The following IL1RAPL1 variants were observed in gnomAD, a reference collection of about 807,000 sequenced individuals.
IL1RAPL1 encodes interleukin 1 receptor accessory protein like 1.
In IL1RAPL1, 3 loss-of-function variants were observed where a neutral mutation model predicts 48.4. The ratio of observed to expected loss-of-function variants is 0.06; its 90% CI spans 0.03 to 0.16. IL1RAPL1 has a LOEUF of 0.16. Ranked by LOEUF, IL1RAPL1 falls within the 10% of genes least tolerant of loss-of-function variation. The pLI is 1.00. For missense variants in IL1RAPL1, 349 were observed against 530.6 expected, an observed-to-expected ratio of 0.66 and a Z score of 3.36; for synonymous variants, 185 against 187.7, an observed-to-expected ratio of 0.99 and a Z score of 0.12.
chrX:29,567,880 G>C (rs975101587), intron 5 of IL1RAPL1, among the ~76,000 whole-genome samples: 38 of 111,011 alleles, frequency 3.4e-4, no homozygotes, highest in African/African-American at 1.1e-3. Flanking sequence ...GACTTGTGGA[G>C]GTTTCAAAGG....
chrX:29,367,238 T>C (rs975714182), intron 3 of IL1RAPL1, among the ~76,000 whole-genome samples: 1 of 112,162 alleles, frequency 8.9e-6, no homozygotes, highest in Non-Finnish European at 1.9e-5. Context: ...GCCATGAAAC[T>C]TTTACCTTTT....
At chrX:29,537,121 A>G (rs1921260396) in intron 5 of IL1RAPL1, among the ~76,000 whole-genome samples, 1 of 111,480 alleles carries the variant, frequency 9.0e-6, no homozygotes, top group South Asian at 3.7e-4. Flanking sequence ...TAAACATGCT[A>G]GAAATGTGGT....
chrX:29,378,229 A>C (rs1269843302), intron 3 of IL1RAPL1, among the ~76,000 whole-genome samples: 1 of 111,196 alleles, frequency 9.0e-6, no homozygotes, highest in Non-Finnish European at 1.9e-5. Flanking sequence ...ATTCAGTTTG[A>C]TTCTTTCTTG....
intron 6 of IL1RAPL1, among the ~76,000 whole-genome samples, chrX:29,719,355 G>C (rs1006623398): frequency 2.7e-5 from 3 of 111,432 alleles, no homozygotes; most frequent in African/African-American, 9.8e-5. Context: ...CCATAATTAT[G>C]ATTTACTTTC....
At chrX:28,991,989 A>C (rs1925615336) in intron 2 of IL1RAPL1, among the ~76,000 whole-genome samples, 1 of 111,759 alleles carries the variant, frequency 8.9e-6, no homozygotes, top group Non-Finnish European at 1.9e-5. Flanking sequence ...TTTCAGTCAA[A>C]TCTAGGTTGA....
At chrX:29,601,040 C>G (rs1181723216) in intron 5 of IL1RAPL1, among the ~76,000 whole-genome samples, 1 of 111,442 alleles carries the variant, frequency 9.0e-6, no homozygotes, top group Admixed American at 9.5e-5. Flanking sequence ...TTTCTGGTGT[C>G]TCTGGGAGCC....
intron 5 of IL1RAPL1, among the ~76,000 whole-genome samples, chrX:29,611,904 C>T (rs1001383518): frequency 2.7e-5 from 3 of 111,044 alleles, no homozygotes; most frequent in East Asian, 5.7e-4. Context: ...GGACCGTCCC[C>T]GGCCTAACTC....
intron 6 of IL1RAPL1, among the ~76,000 whole-genome samples, chrX:29,768,482 G>C: frequency 9.0e-6 from 1 of 111,209 alleles, no homozygotes; most frequent in Non-Finnish European, 1.9e-5. Context: ...ACTGAGGTAC[G>C]TACACCTCTG....
chrX:29,182,109 C>CG (rs1207028268), intron 2 of IL1RAPL1, among the ~76,000 whole-genome samples: 3 of 109,868 alleles, frequency 2.7e-5, no homozygotes, highest in Non-Finnish European at 5.7e-5. Context: ...GCCTTGCCCC[C>CG]CCCCACCCCA....
intron 1 of IL1RAPL1, among the ~76,000 whole-genome samples, chrX:28,616,079 C>G (rs1459008460): frequency 8.9e-6 from 1 of 112,499 alleles, no homozygotes; most frequent in Non-Finnish European, 1.9e-5. Context: ...GAGAAAGGCA[C>G]TCCCCCAGGG....
At chrX:29,542,125 C>T (rs1265108707) in intron 5 of IL1RAPL1, among the ~76,000 whole-genome samples, 1 of 110,825 alleles carries the variant, frequency 9.0e-6, no homozygotes, top group Non-Finnish European at 1.9e-5. Context: ...CATCCAAGCT[C>T]AAAACACTAA....
intron 1 of IL1RAPL1, among the ~76,000 whole-genome samples, chrX:28,742,482 A>G (rs1320074774): frequency 1.8e-5 from 2 of 111,684 alleles, no homozygotes; most frequent in African/African-American, 6.5e-5. Flanking sequence ...AGACATTTGT[A>G]TTTCCACCTT....
At chrX:29,454,681 A>C (rs1376318769) in intron 5 of IL1RAPL1, among the ~76,000 whole-genome samples, 1 of 111,513 alleles carries the variant, frequency 9.0e-6, no homozygotes, top group Admixed American at 9.6e-5. Flanking sequence ...GAAGTAGAAA[A>C]ATTGTTCAAA....
At chrX:29,001,345 T>A (rs1332369993) in intron 2 of IL1RAPL1, among the ~76,000 whole-genome samples, 1 of 112,133 alleles carries the variant, frequency 8.9e-6, no homozygotes, top group Non-Finnish European at 1.9e-5. Context: ...ACTTGGCACA[T>A]AAATATGATG....
intron 2 of IL1RAPL1, among the ~76,000 whole-genome samples, chrX:28,954,855 T>G (rs1443151180): frequency 9.0e-6 from 1 of 111,539 alleles, no homozygotes; most frequent in African/African-American, 3.2e-5. Flanking sequence ...AGTAAAGACA[T>G]AAAAATATCT....
At chrX:28,827,878 G>A (rs758265770) in intron 2 of IL1RAPL1, among the ~76,000 whole-genome samples, 1 of 111,209 alleles carries the variant, frequency 9.0e-6, no homozygotes, top group Non-Finnish European at 1.9e-5. Context: ...TTTCACCTGC[G>A]GTATTATGTC....
At chrX:29,659,541 A>G (rs1925779757) in intron 5 of IL1RAPL1, among the ~76,000 whole-genome samples, 2 of 111,811 alleles carry the variant, frequency 1.8e-5, no homozygotes, top group South Asian at 7.4e-4. Flanking sequence ...CCTCTCCAAC[A>G]TTTGTTATTT....
chrX:29,878,759 A>G (rs987176547), intron 6 of IL1RAPL1, among the ~76,000 whole-genome samples: 6 of 112,120 alleles, frequency 5.4e-5, no homozygotes, highest in African/African-American at 1.9e-4. Context: ...AATGGCATGA[A>G]GGTATATCAG....
At chrX:29,879,531 A>G (rs1461936742) in intron 6 of IL1RAPL1, among the ~76,000 whole-genome samples, 1 of 109,702 alleles carries the variant, frequency 9.1e-6, no homozygotes, top group Non-Finnish European at 1.9e-5. Context: ...TATATCAAAA[A>G]TATCATATTG....
Sources: gnomAD v4.1 joint callset for allele counts (sites outside exome capture counted in the v4.1 genomes callset) on GRCh38, gnomAD v4.1.1 for gene constraint, MANE v1.5 for transcripts, NCBI Gene and HGNC (gene_info 2026-07-23, HGNC 2026-07-21) for gene names.